The following IFT122 variants were observed in gnomAD, a reference collection of about 807,000 sequenced individuals.
IFT122 encodes the protein intraflagellar transport 122.
A neutral mutation model predicts 161.6 loss-of-function variants in IFT122; 118 were observed. The ratio of observed to expected loss-of-function variants is 0.73; its 90% CI spans 0.63 to 0.85. The LOEUF (loss-of-function observed/expected upper bound fraction) is 0.85. Ranked by LOEUF, IFT122 falls within the 40% of genes least tolerant of loss-of-function variation. The probability of loss-of-function intolerance (pLI) is 0.00; values close to 1 mark genes in which losing one functional copy is unlikely to be tolerated. For missense variants in IFT122, 1,381 were observed against 1,579.6 expected (o/e 0.87, Z 2.13); for synonymous variants, 550 against 602.4 (o/e 0.91, Z 1.27).
At chr3:129,516,545 C>G (rs2083702412) in intron 26 of IFT122, among the ~76,000 whole-genome samples, 1 of 122,646 alleles carries the variant, frequency 8.2e-6, no homozygotes. Flanking sequence ...TGCCCCTGCA[C>G]ACACACAGAT....
rs1001942588 is a variant in IFT122 at position 129,475,000 on chromosome 3, T to C, written c.817-1315T>C. ...GGACCCCACCTCTAAAAAAATATATTTTTAATTAGCTGAGTGTGGTGGTAT... is the reference window on the plus strand; with the variant it reads ...GGACCCCACCTCTAAAAAAATATATCTTTAATTAGCTGAGTGTGGTGGTAT... On this transcript the variant is annotated intron_variant, in intron 9 of 29. Transcript: ENST00000348417. Among the ~76,000 whole-genome samples the C allele has an allele frequency of 2.6e-5, 4 of 152,068 alleles. No homozygotes were observed. The South Asian group carries it at 8.3e-4, about 32-fold the overall frequency.
chr3:129,440,634 G>A (rs3138333), intron 1 of IFT122, among the ~76,000 whole-genome samples: 426 of 152,282 alleles, frequency 2.8e-3, no homozygotes, highest in African/African-American at 9.9e-3. Context: ...TGGCCCTGTC[G>A]CTGCCTTGGA....
chr3:129,504,372 G>A lies in IFT122; in HGVS notation c.2601G>A (p.Pro867=), dbSNP rs200245900. The change falls in exon 21 of 30, where the codon CCG becomes CCA. Residue 867 remains proline (P), a synonymous_variant. Coordinates refer to ENST00000348417, the MANE Select transcript of IFT122 (RefSeq NM_052989.3). Reference sequence around the variant, plus strand: ...AGTTTAAGGATGACATCTACATGCCGTATGCTCAGTGGCTAGCAGAGAACG... The same window carrying A: ...AGTTTAAGGATGACATCTACATGCCATATGCTCAGTGGCTAGCAGAGAACG... ...HPEFKDDIYM[P]YAQWLAENDR... is the part of the protein sequence containing the mutation. 41 of 1,614,094 alleles carry A rather than the reference G, an allele frequency of 2.5e-5. No homozygotes were observed. The East Asian group carries it at 4.0e-4, about 16-fold the overall frequency.
chr3:129,461,381 A>G, intron 5 of IFT122, 77 bp downstream of exon 5: 1 of 1,043,016 alleles, frequency 9.6e-7, no homozygotes, highest in Non-Finnish European at 1.5e-6. Context: ...CATTCAGAAT[A>G]TGGTGATTTT....
intron 8 of IFT122, among the ~76,000 whole-genome samples, chr3:129,468,881 T>A (rs1489281962): frequency 1.3e-5 from 2 of 152,254 alleles, no homozygotes; most frequent in Non-Finnish European, 2.9e-5. Context: ...TTTTTAGGTG[T>A]TAATTTTCTT....
At chr3:129,461,178 G>T in intron 4 of IFT122, 50 bp from the exon 5 acceptor site, 1 of 1,441,850 alleles carries the variant, frequency 6.9e-7, no homozygotes, top group South Asian at 1.1e-5. Flanking sequence ...TGTAGCCACT[G>T]AAATCTTTGT....
intron 18 of IFT122, among the ~76,000 whole-genome samples, chr3:129,497,122 A>G (rs1422047078): frequency 6.6e-6 from 1 of 152,128 alleles, no homozygotes; most frequent in African/African-American, 2.4e-5. Flanking sequence ...CTCTACCAAA[A>G]ATGCAAAAAA....
At chr3:129,458,395 A>G (rs113709315) in intron 3 of IFT122, among the ~76,000 whole-genome samples, 7 of 152,326 alleles carry the variant, frequency 4.6e-5, no homozygotes, top group African/African-American at 1.7e-4. Context: ...CTCCCAATAC[A>G]TCTTTGTTTA....
rs1577367371 is a variant in IFT122, at chr3:129,461,296, G to GAAC, written c.341_342insAAC (p.Ser114delinsArgThr). 6.2e-7 allele frequency: 1 copy of GAAC among 1,611,592 alleles called. No individual in the cohort carries two copies. Among genetic ancestry groups the GAAC allele is most frequent in the East Asian group, 2.2e-5 (1 of 44,868 alleles). ...CATCAACTGGCATCTTGTTCCTCCA[G>GAAC]TGACTTTGGTACGTTCTGATTCCTG... is the stretch of plus-strand genomic sequence containing the variant. On this transcript the variant is annotated protein_altering_variant, in exon 5 of 30. Coordinates refer to ENST00000348417, the MANE Select transcript of IFT122 (RefSeq NM_052989.3).
In IFT122 at chr3:129,440,239, A is replaced by G; in HGVS notation, c.-92A>G. The G allele has an allele frequency of 6.0e-6, 9 of 1,505,710 alleles. No individual in the cohort carries two copies. The highest frequency in any genetic ancestry group is 8.1e-6 in the Non-Finnish European group (9 of 1,109,068). 93.3% of individuals were successfully genotyped at this position (1,505,710 alleles called of 1,614,324 possible). A position where few individuals can be genotyped will look rare whatever the true frequency, so the allele number is the denominator to read the frequency against. On this transcript the variant is annotated 5_prime_UTR_variant, in exon 1 of 30. Transcript: ENST00000348417. ...TGCCAGGGGTAACGCAGGTAGCCAA[A>G]GTGGCTTGTGGAGTGGCGACCGTTA...
intron 5 of IFT122, 45 bp from the exon 6 acceptor site, chr3:129,463,515 G>A: frequency 6.8e-7 from 1 of 1,473,686 alleles, no homozygotes; most frequent in Non-Finnish European, 9.5e-7. Context: ...TTGCTGGGTA[G>A]TATTCCAACC....
chr3:129,446,288 G>A (rs1022159278), intron 1 of IFT122, among the ~76,000 whole-genome samples: 2 of 151,154 alleles, frequency 1.3e-5, no homozygotes, highest in African/African-American at 4.9e-5. Flanking sequence ...GTAGTGGCGC[G>A]ATCTCAGCTC....
chr3:129,466,848 T>C, intron 7 of IFT122, 42 bp from the exon 8 acceptor site: 1 of 1,581,790 alleles, frequency 6.3e-7, no homozygotes, highest in Non-Finnish European at 8.7e-7. Context: ...TTTAGTGTAG[T>C]TCTAGGCAAT....
chr3:129,463,531 ATCT>A, intron 5 of IFT122, 26 bp from the exon 6 acceptor site: 1 of 1,597,454 alleles, frequency 6.3e-7, no homozygotes, highest in Non-Finnish European at 8.6e-7. Context: ...CAACCAATCC[ATCT>A]TCTTTTATAT....
At chr3:129,457,855 C>T (rs1242832833) in intron 3 of IFT122, 2 of 155,016 alleles carry the variant, frequency 1.3e-5, no homozygotes, top group Non-Finnish European at 2.9e-5. Context: ...CCCACCTCAG[C>T]CTCCAGAGTA....
intron 9 of IFT122, 95 bp from the exon 10 acceptor site, chr3:129,476,220 C>A: frequency 7.4e-7 from 1 of 1,348,216 alleles, no homozygotes; most frequent in Non-Finnish European, 1.0e-6. Flanking sequence ...CTTCCCAACT[C>A]CCTCTAAAGT....
Position 129,495,626 on chromosome 3 carries a change from G to T in IFT122, c.2208+19G>T, listed in dbSNP as rs1186949624. The T allele has an allele frequency of 6.2e-7, 1 of 1,614,098 alleles. No individual in the cohort carries two copies. Among genetic ancestry groups the T allele is most frequent in the Admixed American group, 1.7e-5 (1 of 60,014 alleles). Reference sequence around the variant, plus strand: ...TGCCAAGGTAACCTACCCTGTCCCAGGCCCAAGCTCCAGCTTGGAGCCCAC... The same window carrying T: ...TGCCAAGGTAACCTACCCTGTCCCATGCCCAAGCTCCAGCTTGGAGCCCAC... On this transcript the variant is annotated intron_variant, in intron 18 of 29. Transcript: ENST00000348417.
intron 9 of IFT122, 98 bp from the exon 10 acceptor site, chr3:129,476,217 A>C: frequency 7.5e-7 from 1 of 1,335,896 alleles, no homozygotes. Context: ...TGTCTTCCCA[A>C]CTCCCTCTAA....
chr3:129,517,035 T>C (rs1164233912), intron 26 of IFT122, among the ~76,000 whole-genome samples: 8 of 58,336 alleles, frequency 1.4e-4, no homozygotes, highest in Admixed American at 4.6e-4. Context: ...CACAGATTGC[T>C]CCTGCACACA....
Sources: allele counts gnomAD v4.1 joint callset (sites outside exome capture counted in the v4.1 genomes callset), GRCh38; gene constraint gnomAD v4.1.1; transcripts MANE v1.5; gene names NCBI Gene and HGNC (gene_info 2026-07-23, HGNC 2026-07-21).